Variants in TRIM5 observed in about 807,000 individuals in gnomAD.
TRIM5 encodes the protein tripartite motif-containing protein 5.
TRIM5 carries 31 observed loss-of-function variants against 35.6 expected under a neutral mutation model. The observed-to-expected ratio is 0.87, with a 90% CI of 0.65 to 1.18. The LOEUF is 1.18. Among genes scored for constraint, TRIM5 ranks in the 50% most tolerant of loss-of-function variants. TRIM5 has a pLI of 0.00. For synonymous variants in TRIM5, 243 were observed against 215.6 expected (o/e 1.13, Z -1.11); for missense variants, 609 against 591.6 (o/e 1.03, Z -0.31).
the TRIM5 span, chr11:5,634,492 TACACACACACAC>T: frequency 5.8e-4 from 133 of 228,022 alleles, no homozygotes; most frequent in Middle Eastern, 1.2e-3. Flanking sequence ...ATAATATAAA[TACACACACACAC>T]ACACACACAC....
At chr11:5,603,100 G>A in the TRIM5 span, 28 of 1,367,532 alleles carry the variant, frequency 2.0e-5, no homozygotes, top group Admixed American at 8.2e-5. Flanking sequence ...TGTATGAGCC[G>A]GGATAAAGAA....
At chr11:5,616,053 C>A in the TRIM5 span, among the ~76,000 whole-genome samples, 1,287 of 149,746 alleles carry the variant, frequency 8.6e-3, 12 homozygotes, top group African/African-American at 0.025. Context: ...CGGGTTCACG[C>A]CATTCTCCTG....
chr11:5,676,992 C>T (rs1268493147), intron 4 of TRIM5, among the ~76,000 whole-genome samples: 3 of 152,122 alleles, frequency 2.0e-5, no homozygotes, highest in African/African-American at 7.2e-5. Flanking sequence ...CCTAAAACCA[C>T]AAAAACCCTA....
chr11:5,668,698 C>T (rs1851332969), intron 4 of TRIM5, among the ~76,000 whole-genome samples: 1 of 152,110 alleles, frequency 6.6e-6, no homozygotes, highest in Admixed American at 6.6e-5. Context: ...GATCCACCTG[C>T]CTTGGCCTCC....
chr11:5,590,157 T>C, the TRIM5 span: 1,964 of 155,750 alleles, frequency 0.013, 48 homozygotes, highest in African/African-American at 0.044. Flanking sequence ...GCGTGAGCCT[T>C]CCCCCGCCTC....
chr11:5,662,933 C>T (rs547201323), downstream of TRIM5, among the ~76,000 whole-genome samples: 6 of 151,984 alleles, frequency 3.9e-5, no homozygotes, highest in Admixed American at 3.3e-4. Flanking sequence ...CTTCGGGATC[C>T]GCCTGGGCAA....
the TRIM5 span, among the ~76,000 whole-genome samples, chr11:5,598,615 AC>A: frequency 6.6e-6 from 1 of 152,196 alleles, no homozygotes; most frequent in Non-Finnish European, 1.5e-5. Flanking sequence ...AGATCCTTTA[AC>A]TTTTTTAAAC....
the TRIM5 span, chr11:5,595,252 G>A: frequency 6.6e-6 from 1 of 152,202 alleles, no homozygotes; most frequent in Non-Finnish European, 1.5e-5. Context: ...TCCTTAGGGA[G>A]GAACTTTGAC....
chr11:5,596,909 A>G, the TRIM5 span: 3 of 1,614,134 alleles, frequency 1.9e-6, no homozygotes, highest in Non-Finnish European at 2.5e-6. Flanking sequence ...TGTGCGGGTC[A>G]GAGAGGTATG....
chr11:5,594,141 C>T, the TRIM5 span, among the ~76,000 whole-genome samples: 45 of 152,078 alleles, frequency 3.0e-4, no homozygotes, highest in Non-Finnish European at 4.7e-4. Flanking sequence ...TCTAACTTTT[C>T]GAGACCCCTT....
At chr11:5,589,582 T>C in the TRIM5 span, 15 of 152,158 alleles carry the variant, frequency 9.9e-5, no homozygotes, top group African/African-American at 3.6e-4. Context: ...TCGGCATGTG[T>C]TCATTTTATA....
the TRIM5 span, chr11:5,634,702 G>T: frequency 6.2e-7 from 1 of 1,614,094 alleles, no homozygotes; most frequent in Non-Finnish European, 8.5e-7. Context: ...TAAATAATGA[G>T]GAGCAGAGAG....
At chr11:5,681,486 C>A (rs1320007432) in intron 1 of TRIM5, among the ~76,000 whole-genome samples, 1 of 152,244 alleles carries the variant, frequency 6.6e-6, no homozygotes, top group Middle Eastern at 3.4e-3. Flanking sequence ...GTTTTAAGAC[C>A]TTCCTCTGGT....
At chr11:5,675,053 G>C (rs1489449038) in intron 4 of TRIM5, among the ~76,000 whole-genome samples, 1 of 151,806 alleles carries the variant, frequency 6.6e-6, no homozygotes, top group East Asian at 1.9e-4. Context: ...TTTTGAGATG[G>C]AGTCTCGCAC....
chr11:5,679,260 G>T, intron 2 of TRIM5, 91 bp from the exon 3 acceptor site: 2 of 1,166,064 alleles, frequency 1.7e-6, no homozygotes, highest in Non-Finnish European at 1.2e-6. Flanking sequence ...GTTGATCTCA[G>T]AAGAAACAAA....
chr11:5,655,812 G>T, the TRIM5 span: 1 of 441,772 alleles, frequency 2.3e-6, no homozygotes, highest in Non-Finnish European at 3.0e-6. Context: ...AACTTCCATT[G>T]GTCTATAAAT....
the TRIM5 span, chr11:5,596,832 GC>G: frequency 3.1e-6 from 5 of 1,612,318 alleles, no homozygotes; most frequent in East Asian, 1.1e-4. Flanking sequence ...GCCTTGGATT[GC>G]TCTGAAGAGC....
the TRIM5 span, chr11:5,596,697 G>C: frequency 1.3e-6 from 1 of 766,098 alleles, no homozygotes; most frequent in Non-Finnish European, 2.1e-6. Context: ...TCCGTTCAAC[G>C]GCCAAAGGCT....
the TRIM5 span, among the ~76,000 whole-genome samples, chr11:5,655,486 T>C: frequency 1.3e-5 from 2 of 152,158 alleles, no homozygotes; most frequent in African/African-American, 2.4e-5. Context: ...AATAAGTAGG[T>C]AAAAAGGATT....
Sources: allele counts gnomAD v4.1 joint callset (sites outside exome capture counted in the v4.1 genomes callset), GRCh38; gene constraint gnomAD v4.1.1; transcripts MANE v1.5; gene names NCBI Gene and HGNC (gene_info 2026-07-23, HGNC 2026-07-21).